ATE1: variants seen among roughly 807,000 people sequenced by gnomAD.
ATE1 encodes arginyltransferase 1.
Under a neutral mutation model 70.5 loss-of-function variants are expected in ATE1, and 36 were observed. That is an observed-to-expected ratio of 0.51 (90% CI 0.39 to 0.67). ATE1 has a LOEUF of 0.67. ATE1 is among the 30% of genes least tolerant of loss of function. The pLI is 0.00. For synonymous variants in ATE1, 232 were observed against 219.3 expected, an observed-to-expected ratio of 1.06 and a Z score of -0.51; for missense variants, 593 against 629.5, an observed-to-expected ratio of 0.94 and a Z score of 0.62.
chr10:121,873,738 G>C (rs1590588631), intron 7 of ATE1, among the ~76,000 whole-genome samples: 1 of 148,902 alleles, frequency 6.7e-6, no homozygotes, highest in Non-Finnish European at 1.5e-5. Context: ...TTTTCTCTTT[G>C]TAATATAAAC....
chr10:121,846,216 A>G (rs907816761), intron 8 of ATE1, among the ~76,000 whole-genome samples: 3 of 152,200 alleles, frequency 2.0e-5, no homozygotes. Context: ...CAACCAATGC[A>G]CAAAGCCAGA....
chr10:121,743,255 TC>T lies in ATE1; in HGVS notation c.*424del, dbSNP rs1944205574. 1 of 153,962 alleles carries T rather than the reference TC, an allele frequency of 6.5e-6. No individual in the cohort carries two copies. The highest frequency in any genetic ancestry group is 2.0e-4 in the South Asian group (1 of 4,892). 9.5% of individuals were successfully genotyped at this position (153,962 alleles called of 1,614,324 possible). A position where few individuals can be genotyped will look rare whatever the true frequency, so the allele number is the denominator to read the frequency against. On this transcript the variant is annotated 3_prime_UTR_variant, in exon 12 of 12. Coordinates refer to ENST00000224652, the MANE Select transcript of ATE1 (RefSeq NM_001001976.3). ...AAGTGATGAAATGAACTTTCTACCT[TC>T]CCCATACTTAAGGTTTCCTAGCATA...
chr10:121,860,262 C>CAATTTAGGGGAATGCTAAGAAAG, intron 8 of ATE1, among the ~76,000 whole-genome samples: 1 of 152,264 alleles, frequency 6.6e-6, no homozygotes, highest in South Asian at 2.1e-4. Flanking sequence ...GCCACAAAGC[C>CAATTTAGGGGAATGCTAAGAAAG]AATTTAGGGG....
At chr10:121,815,831 A>G (rs1947519486) in intron 10 of ATE1, among the ~76,000 whole-genome samples, 1 of 152,192 alleles carries the variant, frequency 6.6e-6, no homozygotes, top group African/African-American at 2.4e-5. Flanking sequence ...CATTAGTGAC[A>G]TTCTGGGCTA....
chr10:121,790,031 C>CGT, intron 11 of ATE1, 138 bp downstream of exon 11: 3 of 1,233,534 alleles, frequency 2.4e-6, no homozygotes, highest in Non-Finnish European at 3.3e-6. Context: ...CTCTATCTTA[C>CGT]ACACACACAC....
chr10:121,800,445 C>G (rs1455926103), intron 10 of ATE1, among the ~76,000 whole-genome samples: 1 of 152,164 alleles, frequency 6.6e-6, no homozygotes, highest in Non-Finnish European at 1.5e-5. Context: ...ACGAACTTTC[C>G]TTTGAACTCT....
chr10:121,894,009 C>T (rs1178119595), intron 7 of ATE1, among the ~76,000 whole-genome samples: 1 of 151,878 alleles, frequency 6.6e-6, no homozygotes, highest in Non-Finnish European at 1.5e-5. Flanking sequence ...TGGTGGCACA[C>T]GCCTGTAATC....
intron 7 of ATE1, among the ~76,000 whole-genome samples, chr10:121,896,800 G>A (rs546864434): frequency 8.0e-6 from 1 of 124,944 alleles, no homozygotes; most frequent in Non-Finnish European, 1.6e-5. Context: ...CTCCAGCCTG[G>A]GAGACAGAGC....
chr10:121,805,630 A>G (rs1011338742), intron 10 of ATE1, among the ~76,000 whole-genome samples: 43 of 152,258 alleles, frequency 2.8e-4, no homozygotes, highest in Non-Finnish European at 4.4e-5. Flanking sequence ...TTGTATAAAG[A>G]AATGTATTTA....
rs140251728 is a variant in ATE1 at position 121,792,375 on chromosome 10, G to C, written c.1258-2086C>G. Among the ~76,000 whole-genome samples, 114 of 152,270 alleles carry C rather than the reference G, an allele frequency of 7.5e-4. 4 individuals carry two copies. In the East Asian group the frequency reaches 0.02, roughly 27 times the overall value. ...GGGAAGGCTTGTTGGATAAGAGGGA[G>C]AGTTTTGTTCTATTCCAATAGGAGC... is the stretch of plus-strand genomic sequence containing the variant. On this transcript the variant is annotated intron_variant, in intron 10 of 11. Coordinates refer to ENST00000224652, the MANE Select transcript of ATE1 (RefSeq NM_001001976.3).
chr10:121,747,758 T>G (rs2135682239), intron 11 of ATE1, among the ~76,000 whole-genome samples: 1 of 152,350 alleles, frequency 6.6e-6, no homozygotes, highest in South Asian at 2.1e-4. Flanking sequence ...TTCTTACAAA[T>G]TACTTTATCC....
At chr10:121,824,950 A>C (rs142678329) in intron 10 of ATE1, among the ~76,000 whole-genome samples, 1 of 151,746 alleles carries the variant, frequency 6.6e-6, no homozygotes, top group Non-Finnish European at 1.5e-5. Flanking sequence ...CTATGTTTAC[A>C]GTAAAAAAAA....
At chr10:121,789,606 T>C (rs557773028) in intron 11 of ATE1, among the ~76,000 whole-genome samples, 2 of 152,180 alleles carry the variant, frequency 1.3e-5, no homozygotes, top group African/African-American at 2.4e-5. Flanking sequence ...GCCAGGGATA[T>C]ACTTTCAATG....
At chr10:121,927,441 C>G in intron 1 of ATE1, 3 of 985,242 alleles carry the variant, frequency 3.0e-6, no homozygotes, top group Non-Finnish European at 3.6e-6. Context: ...TGTGCACACC[C>G]ACAGCTCCCT....
intron 7 of ATE1, 150 bp downstream of exon 7, chr10:121,899,716 T>C (rs2134288783): frequency 2.6e-6 from 3 of 1,166,192 alleles, no homozygotes; most frequent in South Asian, 4.7e-5. Context: ...ACTTTCAGAA[T>C]GTCCATTAAT....
intron 10 of ATE1, among the ~76,000 whole-genome samples, chr10:121,812,108 A>G (rs1325897109): frequency 4.0e-5 from 6 of 151,832 alleles, no homozygotes; most frequent in Admixed American, 1.3e-4. Flanking sequence ...GGCATGAGAC[A>G]CCACGCCTGA....
chr10:121,807,211 AC>A (rs1269404332), intron 10 of ATE1, among the ~76,000 whole-genome samples: 4 of 152,232 alleles, frequency 2.6e-5, no homozygotes, highest in African/African-American at 9.6e-5. Flanking sequence ...ACTTCAAAGC[AC>A]TCACAACAGA....
chr10:121,858,660 A>ATATATATAATATGTATTT (rs1554913062), intron 8 of ATE1, among the ~76,000 whole-genome samples: 8 of 139,216 alleles, frequency 5.7e-5, no homozygotes, highest in African/African-American at 2.1e-4. Flanking sequence ...TATACATATA[A>ATATATATAATATGTATTT]TATATATATA....
At chr10:121,917,479 A>G (rs1951707230) in intron 3 of ATE1, among the ~76,000 whole-genome samples, 1 of 152,214 alleles carries the variant, frequency 6.6e-6, no homozygotes, top group African/African-American at 2.4e-5. Context: ...ACACAGTCAC[A>G]ATGGATATGA....
Sources: allele counts gnomAD v4.1 joint callset (sites outside exome capture counted in the v4.1 genomes callset), GRCh38; gene constraint gnomAD v4.1.1; transcripts MANE v1.5; gene names NCBI Gene and HGNC (gene_info 2026-07-23, HGNC 2026-07-21).